Variants in FAM3D observed in about 807,000 individuals in gnomAD.
FAM3D encodes the protein protein FAM3D.
In FAM3D, 26 loss-of-function variants were observed where a neutral mutation model predicts 29.8. That is an observed-to-expected ratio of 0.87 (90% CI 0.64 to 1.21). FAM3D has a LOEUF of 1.21. Among genes scored for constraint, FAM3D ranks in the 50% most tolerant of loss-of-function variants. The pLI is 0.00. For synonymous variants in FAM3D, 115 were observed against 102.3 expected (o/e 1.12, Z -0.75); for missense variants, 253 against 290.9 (o/e 0.87, Z 0.95).
chr3:58,658,893 A>G (rs1318256460), intron 1 of FAM3D, among the ~76,000 whole-genome samples: 2 of 152,228 alleles, frequency 1.3e-5, no homozygotes, highest in African/African-American at 4.8e-5. Context: ...CTCCTGTGGT[A>G]GACGTGTCCT....
chr3:58,643,539 G>C, intron 6 of FAM3D, 123 bp downstream of exon 6: 1 of 1,071,238 alleles, frequency 9.3e-7, no homozygotes, highest in Non-Finnish European at 1.4e-6. Flanking sequence ...CCCCTCCTGA[G>C]CTCTACGGGC....
chr3:58,652,305 C>T (rs750422422), intron 3 of FAM3D, among the ~76,000 whole-genome samples: 7 of 152,172 alleles, frequency 4.6e-5, no homozygotes, highest in African/African-American at 1.2e-4. Context: ...CTCTGTGGAA[C>T]ATTTGTGCAG....
rs1250646999 is a variant in FAM3D, at chr3:58,634,394, A to G, written c.586-26T>C. ...CTAGAGAGAGAGAAGACAGAGAAAT[A>G]TAGGCAGTGAGTGAGGCTGTTCAGA... On this transcript the variant is annotated intron_variant, in intron 9 of 9. Transcript: ENST00000358781. This position sits in a 1 kb window ranked among gnomAD's most constrained non-coding sequence, Gnocchi z 4.6. 1.3e-5 allele frequency: 21 copies of G among 1,604,374 alleles called. No homozygotes were observed. The South Asian group carries it at 1.5e-4, about 12-fold the overall frequency.
At chr3:58,663,016 A>G (rs2066961987) in intron 1 of FAM3D, among the ~76,000 whole-genome samples, 1 of 152,208 alleles carries the variant, frequency 6.6e-6, no homozygotes, top group South Asian at 2.1e-4. Flanking sequence ...CTCCTGCCTC[A>G]GCCTCCCCAG....
In FAM3D at chr3:58,638,679, C is replaced by A. The variant is rs183180740; in HGVS notation, c.373+1448G>T. Among the ~76,000 whole-genome samples the A allele has an allele frequency of 5.6e-4, 86 of 152,316 alleles. No homozygotes were observed. In the Middle Eastern group the frequency reaches 0.01, roughly 18 times the overall value. On this transcript the variant is annotated intron_variant, in intron 7 of 9. Coordinates refer to ENST00000358781, the MANE Select transcript of FAM3D (RefSeq NM_138805.3). Reference sequence around the variant, plus strand: ...CATGGGCCCCGTGTGACTGCCCTGTCCCCAGGTCATAGGCCCACAAAGCTG... The same window carrying A: ...CATGGGCCCCGTGTGACTGCCCTGTACCCAGGTCATAGGCCCACAAAGCTG...
At chr3:58,664,330 A>G (rs549593580) in intron 1 of FAM3D, among the ~76,000 whole-genome samples, 31 of 152,322 alleles carry the variant, frequency 2.0e-4, no homozygotes, top group African/African-American at 7.0e-4. Flanking sequence ...TCTCTTGTAC[A>G]GTGCAGTCCC....
At chr3:58,653,377 G>C (rs945603278) in intron 3 of FAM3D, among the ~76,000 whole-genome samples, 8 of 152,242 alleles carry the variant, frequency 5.3e-5, no homozygotes, top group Middle Eastern at 3.4e-3. Context: ...CCTTCCTTCT[G>C]TTCTTCCTCC....
chr3:58,658,050 T>C (rs558221216), intron 1 of FAM3D, among the ~76,000 whole-genome samples: 123 of 152,002 alleles, frequency 8.1e-4, no homozygotes, highest in African/African-American at 2.8e-3. Flanking sequence ...GGGGACAAGG[T>C]GGGGTTGGTG....
chr3:58,658,754 A>C (rs1487507929), intron 1 of FAM3D, among the ~76,000 whole-genome samples: 1 of 152,216 alleles, frequency 6.6e-6, no homozygotes, highest in Non-Finnish European at 1.5e-5. Flanking sequence ...AAGGCCAACC[A>C]GACTTTTCCC....
intron 4 of FAM3D, 149 bp downstream of exon 4, chr3:58,649,166 A>T: frequency 1.0e-6 from 1 of 958,160 alleles, no homozygotes; most frequent in Non-Finnish European, 1.5e-6. Context: ...CCATGGGAGG[A>T]GAGGACTGGG....
Position 58,635,886 on chromosome 3 carries a change from T to A in FAM3D, c.585+408A>T, listed in dbSNP as rs552501492. On this transcript the variant is annotated intron_variant, in intron 9 of 9. Coordinates refer to ENST00000358781, the MANE Select transcript of FAM3D (RefSeq NM_138805.3). The surrounding 1 kb of genome is among the most constrained non-coding windows in gnomAD (Gnocchi z 5.2). ...CCTCCCTGCCTTCTGACTTCCCTCC[T>A]CGTTTTCTCCATGCCTCGCCAGGGA... Among the ~76,000 whole-genome samples the A allele has an allele frequency of 6.6e-5, 10 of 152,090 alleles. No individual in the cohort carries two copies. Among genetic ancestry groups the A allele is most frequent in the Non-Finnish European group, 1.2e-4 (8 of 68,024 alleles).
rs895596986 is a variant in FAM3D, at chr3:58,634,050, C to A, written c.*229G>T. The A allele has an allele frequency of 9.9e-6, 5 of 503,630 alleles. No homozygotes were observed. The Admixed American group carries it at 1.5e-4, about 15-fold the overall frequency. 31.2% of individuals were successfully genotyped at this position (503,630 alleles called of 1,614,324 possible). ...CCCTGACGAAAGCACCCCATTCTCT[C>A]CACAGACAGCTGGTTCCAGAAGGAC... On this transcript the variant is annotated 3_prime_UTR_variant, in exon 10 of 10. Coordinates refer to ENST00000358781, the MANE Select transcript of FAM3D (RefSeq NM_138805.3). This position sits in a 1 kb window ranked among gnomAD's most constrained non-coding sequence, Gnocchi z 4.6.
At chr3:58,641,745 G>A (rs1423954549) in intron 6 of FAM3D, among the ~76,000 whole-genome samples, 1 of 152,174 alleles carries the variant, frequency 6.6e-6, no homozygotes, top group Non-Finnish European at 1.5e-5. Context: ...ACACAGTGAT[G>A]GGGTTAAATG....
intron 6 of FAM3D, among the ~76,000 whole-genome samples, chr3:58,640,736 C>G (rs1353945882): frequency 6.6e-6 from 1 of 152,186 alleles, no homozygotes; most frequent in East Asian, 1.9e-4. Context: ...AGGAGGTGGC[C>G]GAAGGCCAAG....
Position 58,637,183 on chromosome 3 carries a change from C to G in FAM3D, c.416G>C (p.Gly139Ala), listed in dbSNP as rs777920687. The change falls in exon 8 of 10, where the codon GGT becomes GCT. Residue 139 changes from glycine to alanine, a missense_variant. Gly to Ala is a moderately conservative substitution (Grantham distance 60, BLOSUM62 0). Transcript: ENST00000358781. ...LVKFLKEIPG[G>A]ALVLVASYDD... Reference sequence around the variant, plus strand: ...GTAGGAGGCCACCAGCACCAGTGCACCCCCCGGAATTTCTTTAAGGAATTT... The same window carrying G: ...GTAGGAGGCCACCAGCACCAGTGCAGCCCCCGGAATTTCTTTAAGGAATTT... 6.2e-7 allele frequency: 1 copy of G among 1,613,650 alleles called. No individual in the cohort carries two copies. Among genetic ancestry groups the G allele is most frequent in the South Asian group, 1.1e-5 (1 of 90,996 alleles).
At chr3:58,652,992 A>G (rs1276574607) in intron 3 of FAM3D, among the ~76,000 whole-genome samples, 2 of 123,522 alleles carry the variant, frequency 1.6e-5, no homozygotes, top group East Asian at 5.0e-4. Flanking sequence ...TTTTTTTTTC[A>G]CTCATCAAAT....
At chr3:58,654,862 A>G (rs1291084841) in intron 2 of FAM3D, among the ~76,000 whole-genome samples, 1 of 152,250 alleles carries the variant, frequency 6.6e-6, no homozygotes, top group Non-Finnish European at 1.5e-5. Flanking sequence ...CCTCTTGGGT[A>G]TCAGCTCATG....
intron 1 of FAM3D, among the ~76,000 whole-genome samples, chr3:58,663,106 C>T (rs550888443): frequency 3.9e-5 from 6 of 152,214 alleles, no homozygotes; most frequent in Non-Finnish European, 5.9e-5. Context: ...AACATGTTGG[C>T]CAGGCTGGTC....
At chr3:58,657,974 G>C (rs1315245110) in intron 1 of FAM3D, among the ~76,000 whole-genome samples, 1 of 152,172 alleles carries the variant, frequency 6.6e-6, no homozygotes, top group African/African-American at 2.4e-5. Context: ...AGCCAGCCTA[G>C]CATGGCTAAG....
Sources: allele counts gnomAD v4.1 joint callset (sites outside exome capture counted in the v4.1 genomes callset), GRCh38; gene constraint gnomAD v4.1.1; non-coding constraint Gnocchi (gnomAD v3.1); transcripts MANE v1.5; gene names NCBI Gene and HGNC (gene_info 2026-07-23, HGNC 2026-07-21).